The following VDAC1 variants were observed in gnomAD, a reference collection of about 807,000 sequenced individuals.
VDAC1 encodes voltage dependent anion channel 1.
VDAC1 carries 10 observed loss-of-function variants against 34.7 expected under a neutral mutation model. That is an observed-to-expected ratio of 0.29 (90% CI 0.18 to 0.49). VDAC1 has a LOEUF of 0.49. Ranked by LOEUF, VDAC1 falls within the 20% of genes least tolerant of loss-of-function variation. The pLI is 0.99. For synonymous variants in VDAC1, 130 were observed against 136.0 expected (o/e 0.96, Z 0.30); for missense variants, 230 against 347.9 (o/e 0.66, Z 2.69).
At chr5:133,995,666 T>C (rs1753271917) in intron 1 of VDAC1, among the ~76,000 whole-genome samples, 1 of 152,128 alleles carries the variant, frequency 6.6e-6, no homozygotes. Flanking sequence ...TGCACTGATC[T>C]GACGGAACTA....
At chr5:134,040,468 G>C in the VDAC1 span, among the ~76,000 whole-genome samples, 2 of 152,130 alleles carry the variant, frequency 1.3e-5, no homozygotes, top group African/African-American at 2.4e-5. Flanking sequence ...CCAGCTACTC[G>C]GGAGGCTGAG....
At chr5:133,987,587 A>G (rs1481278730) in intron 5 of VDAC1, among the ~76,000 whole-genome samples, 1 of 152,072 alleles carries the variant, frequency 6.6e-6, no homozygotes, top group African/African-American at 2.4e-5. Flanking sequence ...CTGAGGAAGG[A>G]GGATTGCTGG....
chr5:134,081,335 C>A, the VDAC1 span, among the ~76,000 whole-genome samples: 1 of 152,016 alleles, frequency 6.6e-6, no homozygotes, highest in Non-Finnish European at 1.5e-5. Flanking sequence ...CCGCACCCAG[C>A]CCTAGATAAC....
At chr5:133,980,689 A>AGCCCCCC in intron 6 of VDAC1, 40 bp downstream of exon 6, 8 of 564,050 alleles carry the variant, frequency 1.4e-5, no homozygotes, top group East Asian at 3.4e-5. Context: ...ACATGCTCCA[A>AGCCCCCC]CCCCACCCCT....
the VDAC1 span, among the ~76,000 whole-genome samples, chr5:134,112,945 C>T: frequency 1.3e-5 from 2 of 152,128 alleles, no homozygotes; most frequent in Non-Finnish European, 2.9e-5. Flanking sequence ...CCAGGGTTCC[C>T]TACAAACACA....
At chr5:134,011,635 A>C in the VDAC1 span, among the ~76,000 whole-genome samples, 36,296 of 146,988 alleles carry the variant, frequency 0.25, 4,828 homozygotes, top group Admixed American at 0.3. Flanking sequence ...TGTCATCACA[A>C]GTTCTTTTTT....
the VDAC1 span, among the ~76,000 whole-genome samples, chr5:134,023,109 C>T: frequency 2.0e-5 from 3 of 152,026 alleles, no homozygotes; most frequent in Non-Finnish European, 2.9e-5. Context: ...ATAAAGAAAA[C>T]GTGGCACATA....
At chr5:134,084,835 A>G in the VDAC1 span, among the ~76,000 whole-genome samples, 3,031 of 152,338 alleles carry the variant, frequency 0.02, 87 homozygotes, top group African/African-American at 0.069. Context: ...CGCCTGGCAG[A>G]GACCCTAAAG....
chr5:134,093,570 G>A, the VDAC1 span, among the ~76,000 whole-genome samples: 83 of 152,312 alleles, frequency 5.4e-4, no homozygotes, highest in Middle Eastern at 3.4e-3. Flanking sequence ...TAATTTCCTG[G>A]CTGGCTGGTG....
At chr5:133,995,231 C>G (rs1337624631) in intron 1 of VDAC1, among the ~76,000 whole-genome samples, 2 of 152,190 alleles carry the variant, frequency 1.3e-5, no homozygotes, top group African/African-American at 2.4e-5. Flanking sequence ...CCTCTAGGAG[C>G]TCCGACACGG....
At chr5:134,033,154 A>ATTTT in the VDAC1 span, among the ~76,000 whole-genome samples, 108 of 125,392 alleles carry the variant, frequency 8.6e-4, 1 homozygote, top group Middle Eastern at 4.0e-3. Flanking sequence ...GTAGAAACTA[A>ATTTT]TTTTTTTTTT....
chr5:134,050,275 A>G, the VDAC1 span, among the ~76,000 whole-genome samples: 1 of 152,112 alleles, frequency 6.6e-6, no homozygotes, highest in Non-Finnish European at 1.5e-5. Flanking sequence ...AAATAAATAA[A>G]TGTGCCACCT....
At chr5:134,040,351 C>T in the VDAC1 span, among the ~76,000 whole-genome samples, 9 of 152,034 alleles carry the variant, frequency 5.9e-5, no homozygotes, top group African/African-American at 9.7e-5. Flanking sequence ...CCGAGGTGGG[C>T]GGATCACGAG....
chr5:133,978,849 C>T (rs1203007994), intron 6 of VDAC1, among the ~76,000 whole-genome samples: 1 of 151,936 alleles, frequency 6.6e-6, no homozygotes, highest in African/African-American at 2.4e-5. Context: ...CCTGCCTCCA[C>T]AAAAAATACA....
intron 1 of VDAC1, among the ~76,000 whole-genome samples, chr5:133,997,561 A>T (rs572360625): frequency 2.4e-4 from 36 of 151,860 alleles, no homozygotes; most frequent in African/African-American, 6.0e-4. Context: ...ATAAAAAAAA[A>T]AAATCACCCA....
the VDAC1 span, among the ~76,000 whole-genome samples, chr5:134,044,090 G>A: frequency 2.0e-5 from 3 of 152,276 alleles, no homozygotes; most frequent in Middle Eastern, 3.4e-3. Flanking sequence ...AGCAGGCGAT[G>A]TTTTTGCTCA....
the VDAC1 span, among the ~76,000 whole-genome samples, chr5:134,065,490 G>A: frequency 2.6e-5 from 4 of 151,256 alleles, no homozygotes; most frequent in Admixed American, 1.3e-4. Flanking sequence ...ACAAGCGTGC[G>A]CCACCACACC....
At chr5:133,976,117 G>A in intron 6 of VDAC1, 96 bp from the exon 7 acceptor site, 2 of 1,471,372 alleles carry the variant, frequency 1.4e-6, no homozygotes, top group South Asian at 1.2e-5. Context: ...AGGGATGACA[G>A]AAATGGACTG....
chr5:134,055,602 T>TTGTTTTTG, the VDAC1 span, among the ~76,000 whole-genome samples: 3 of 139,934 alleles, frequency 2.1e-5, no homozygotes, highest in African/African-American at 8.0e-5. Flanking sequence ...TTTTTTTTTT[T>TTGTTTTTG]TTTTTTTTTT....
Sources: allele counts gnomAD v4.1 joint callset (sites outside exome capture counted in the v4.1 genomes callset), GRCh38; gene constraint gnomAD v4.1.1; transcripts MANE v1.5; gene names NCBI Gene and HGNC (gene_info 2026-07-23, HGNC 2026-07-21).